Variants in BRWD1 observed in about 807,000 individuals in gnomAD.
The protein encoded by BRWD1 is bromodomain and WD repeat domain containing 1, also known as bromodomain and WD repeat-containing protein 1.
A neutral mutation model predicts 251.2 loss-of-function variants in BRWD1; 82 were observed. That is an observed-to-expected ratio of 0.33 (90% CI 0.27 to 0.39). The LOEUF (loss-of-function observed/expected upper bound fraction) is 0.39. Among genes scored for constraint, BRWD1 ranks in the 10% least tolerant of loss-of-function variants. The probability of loss-of-function intolerance (pLI) is 1.00; values close to 1 mark genes in which losing one functional copy is unlikely to be tolerated. For missense variants in BRWD1, 2,233 were observed against 2,711.6 expected (o/e 0.82, Z 3.92); for synonymous variants, 918 against 902.8 (o/e 1.02, Z -0.30).
At chr21:39,243,955 T>G (rs1485106384) in intron 21 of BRWD1, among the ~76,000 whole-genome samples, 1 of 152,136 alleles carries the variant, frequency 6.6e-6, no homozygotes, top group Admixed American at 6.5e-5. Context: ...AATAAAAAAT[T>G]TACACCTGAC....
At chr21:39,214,740 A>T (rs182813027) in intron 32 of BRWD1, among the ~76,000 whole-genome samples, 156 of 152,254 alleles carry the variant, frequency 1.0e-3, no homozygotes, top group African/African-American at 3.7e-3. Context: ...TTATTTCAAA[A>T]TTTTAAAAAG....
In BRWD1 at chr21:39,215,475, C is replaced by A. The variant is rs564283235; in HGVS notation, c.3660-113G>T. ...TGAAATAATAATTAAACCATAAGTG[C>A]AAAGTTATAATGAATAACCTTCTAA... On this transcript the variant is annotated intron_variant, in intron 31 of 40. Coordinates refer to ENST00000342449, the MANE Select transcript of BRWD1 (RefSeq NM_033656.4). 11 of 918,790 alleles carry A rather than the reference C, an allele frequency of 1.2e-5. No homozygotes were observed. The African/African-American group carries it at 1.8e-4, about 15-fold the overall frequency. The allele number at this position is 918,790 out of a possible 1,614,324, so 56.9% of individuals were successfully genotyped here. A position where few individuals can be genotyped will look rare whatever the true frequency, so the allele number is the denominator to read the frequency against.
At position 39,185,935 on chromosome 21, in the gene BRWD1, A is replaced by G. The variant is rs1301083789; in HGVS notation, c.*10324T>C. 1 of 152,232 alleles carries G rather than the reference A, an allele frequency of 6.6e-6. No homozygotes were observed. The highest frequency in any genetic ancestry group is 1.5e-5 in the Non-Finnish European group (1 of 68,016). 9.4% of individuals were successfully genotyped at this position (152,232 alleles called of 1,614,324 possible). On this transcript the variant is annotated 3_prime_UTR_variant, in exon 41 of 41. Transcript: ENST00000342449. ...TTTTAATTTCAACAAATACATATTA[A>G]CAACAAATTAAATCCTATTGTAAAT... is the stretch of plus-strand genomic sequence containing the variant.
chr21:39,184,701 T>G (rs1398723057), downstream of BRWD1: 1 of 152,144 alleles, frequency 6.6e-6, no homozygotes, highest in East Asian at 1.9e-4. Context: ...AAAAATAAAG[T>G]GAGTTTGGAA....
rs200311907 is a variant in BRWD1, at chr21:39,251,252, A to C, written c.2256-363T>G. On this transcript the variant is annotated intron_variant, in intron 19 of 40. Coordinates refer to ENST00000342449, the MANE Select transcript of BRWD1 (RefSeq NM_033656.4). ...GAGTCTGCCTTCTCCACATTTATTC[A>C]AGCTATGTTTGATAATTTATAGAAA... 7.9e-5 allele frequency among the ~76,000 whole-genome samples: 12 copies of C among 152,302 alleles called. No individual in the cohort carries two copies. In the East Asian group the frequency reaches 2.1e-3, roughly 27 times the overall value.
chr21:39,195,304 G>C lies in BRWD1; in HGVS notation c.*955C>G, dbSNP rs2031753164. On this transcript the variant is annotated 3_prime_UTR_variant, in exon 41 of 41. Transcript: ENST00000342449. Reference sequence around the variant, plus strand: ...AACTCACCTCTACAATTGGAATACAGATGGGGGAAACCTACATATTAACTT... The same window carrying C: ...AACTCACCTCTACAATTGGAATACACATGGGGGAAACCTACATATTAACTT... The C allele has an allele frequency of 1.0e-6, 1 of 1,002,456 alleles. No individual in the cohort carries two copies. Among genetic ancestry groups the C allele is most frequent in the Non-Finnish European group, 1.2e-6 (1 of 840,930 alleles). 62.1% of individuals were successfully genotyped at this position (1,002,456 alleles called of 1,614,324 possible).
intron 8 of BRWD1, among the ~76,000 whole-genome samples, chr21:39,287,701 T>C (rs983813084): frequency 6.6e-6 from 1 of 152,226 alleles, no homozygotes; most frequent in Non-Finnish European, 1.5e-5. Flanking sequence ...ACTTCTGGCT[T>C]TGTTGATCCT....
In BRWD1 at chr21:39,270,439, A is replaced by C; in HGVS notation, c.1245-6T>G. The C allele has an allele frequency of 6.3e-7, 1 of 1,593,540 alleles. No homozygotes were observed. The highest frequency in any genetic ancestry group is 8.6e-7 in the Non-Finnish European group (1 of 1,169,422). Reference sequence around the variant, plus strand: ...CCTCTTCGGAAGATAAGTCCCTAACAAAAAAATACACAACATGTAAACTTA... The same window carrying C: ...CCTCTTCGGAAGATAAGTCCCTAACCAAAAAATACACAACATGTAAACTTA... On this transcript the variant is annotated splice_polypyrimidine_tract_variant and splice_region_variant and intron_variant, in intron 13 of 40. Transcript: ENST00000342449.
intron 4 of BRWD1, among the ~76,000 whole-genome samples, chr21:39,308,176 CA>C (rs150986747): frequency 0.097 from 14,689 of 152,172 alleles, 830 homozygotes; most frequent in East Asian, 0.14. Context: ...CACTTGGCTT[CA>C]ATTCTTATAA....
At chr21:39,213,767 G>C (rs559656522) in intron 32 of BRWD1, among the ~76,000 whole-genome samples, 8 of 152,150 alleles carry the variant, frequency 5.3e-5, no homozygotes, top group Admixed American at 4.6e-4. Context: ...TTTCCGTTAA[G>C]TATGTATCCA....
chr21:39,193,242 C>T lies in BRWD1; in HGVS notation c.*3017G>A. 1 of 984,910 alleles carries T rather than the reference C, an allele frequency of 1.0e-6. No homozygotes were observed. The highest frequency in any genetic ancestry group is 4.7e-5 in the South Asian group (1 of 21,288). The allele number at this position is 984,910 out of a possible 1,614,324, so 61.0% of individuals were successfully genotyped here. On this transcript the variant is annotated 3_prime_UTR_variant, in exon 41 of 41. Transcript: ENST00000342449. ...GAACCTTTCTGTTGTAATTTACAAG[C>T]TGTGAGTAACTGCTATATCATTGTT...
chr21:39,210,257 G>A, intron 35 of BRWD1, 110 bp from the exon 36 acceptor site: 1 of 607,548 alleles, frequency 1.6e-6, no homozygotes, highest in Non-Finnish European at 2.7e-6. Flanking sequence ...GAAAAGGTTA[G>A]AGGACTCTTA....
intron 17 of BRWD1, 66 bp from the exon 18 acceptor site, chr21:39,258,738 G>A (rs909342039): frequency 5.8e-5 from 69 of 1,192,716 alleles, no homozygotes; most frequent in Non-Finnish European, 1.3e-5. Flanking sequence ...TTTCGTTAGG[G>A]TACAAATTAA....
In BRWD1 at chr21:39,273,237, C is replaced by T. The variant is rs559181735; in HGVS notation, c.1244+1137G>A. Among the ~76,000 whole-genome samples, 19 of 152,280 alleles carry T rather than the reference C, an allele frequency of 1.2e-4. No homozygotes were observed. In the South Asian group the frequency reaches 3.7e-3, roughly 30 times the overall value. Reference sequence around the variant, plus strand: ...GGTGAAACTGACTTTAAATTATCTTCACCCCCATTCCCTTTATTTCAACTA... The same window carrying T: ...GGTGAAACTGACTTTAAATTATCTTTACCCCCATTCCCTTTATTTCAACTA... On this transcript the variant is annotated intron_variant, in intron 13 of 40. Coordinates refer to ENST00000342449, the MANE Select transcript of BRWD1 (RefSeq NM_033656.4).
chr21:39,190,163 A>T lies in BRWD1; in HGVS notation c.*6096T>A. 5.1e-6 allele frequency: 5 copies of T among 984,870 alleles called. No homozygotes were observed. Among genetic ancestry groups the T allele is most frequent in the Non-Finnish European group, 4.8e-6 (4 of 829,418 alleles). The allele number at this position is 984,870 out of a possible 1,614,324, so 61.0% of individuals were successfully genotyped here. A position where few individuals can be genotyped will look rare whatever the true frequency, so the allele number is the denominator to read the frequency against. On this transcript the variant is annotated 3_prime_UTR_variant, in exon 41 of 41. Transcript: ENST00000342449. ...GGTGAATAGAAACCTGGATACAAAC[A>T]TAACAGTTCTGACTCAACACAATCT...
Position 39,188,546 on chromosome 21 carries a change from A to G in BRWD1, c.*7713T>C, listed in dbSNP as rs2146433662. On this transcript the variant is annotated 3_prime_UTR_variant, in exon 41 of 41. Coordinates refer to ENST00000342449, the MANE Select transcript of BRWD1 (RefSeq NM_033656.4). ...ACCTTCTGAACTTTTTCTTCTGTGA[A>G]GATGTTTGCCCTTCTGTCACAAAGC... 1.0e-6 allele frequency: 1 copy of G among 985,340 alleles called. No homozygotes were observed. The highest frequency in any genetic ancestry group is 1.2e-6 in the Non-Finnish European group (1 of 829,870). The allele number at this position is 985,340 out of a possible 1,614,324, so 61.0% of individuals were successfully genotyped here.
chr21:39,294,060 T>A (rs1332090942), intron 7 of BRWD1, 28 bp from the exon 8 acceptor site: 2 of 1,570,038 alleles, frequency 1.3e-6, no homozygotes, highest in Non-Finnish European at 1.7e-6. Flanking sequence ...CAAAAATTAA[T>A]GTTAGTACAG....
intron 4 of BRWD1, among the ~76,000 whole-genome samples, chr21:39,308,205 G>A (rs1393798679): frequency 6.6e-6 from 1 of 152,146 alleles, no homozygotes. Context: ...AAGTAGGCCT[G>A]GCAAGGTGAC....
chr21:39,315,315 A>T (rs2036678596), upstream of BRWD1, among the ~76,000 whole-genome samples: 1 of 151,816 alleles, frequency 6.6e-6, no homozygotes, highest in Non-Finnish European at 1.5e-5. Context: ...AAAAGCTTTT[A>T]TATATATTTA....
Sources: gnomAD v4.1 joint callset for allele counts (sites outside exome capture counted in the v4.1 genomes callset) on GRCh38, gnomAD v4.1.1 for gene constraint, MANE v1.5 for transcripts, NCBI Gene and HGNC (gene_info 2026-07-23, HGNC 2026-07-21) for gene names.